Variants in ADH1B observed in about 807,000 individuals in gnomAD.
ADH1B encodes alcohol dehydrogenase 1B (class I), beta polypeptide, also known as all-trans-retinol dehydrogenase [NAD(+)] ADH1B.
A neutral mutation model predicts 34.6 loss-of-function variants in ADH1B; 29 were observed. The observed-to-expected ratio is 0.84, with a 90% CI of 0.62 to 1.14. The LOEUF is 1.14. ADH1B is among the 50% of genes most tolerant of loss of function. The pLI is 0.00. For synonymous variants in ADH1B, 170 were observed against 175.5 expected, an observed-to-expected ratio of 0.97 and a Z score of 0.25; for missense variants, 424 against 468.4, an observed-to-expected ratio of 0.91 and a Z score of 0.87.
intron 1 of ADH1B, chr4:99,319,166 T>C (rs1733960371): frequency 6.4e-6 from 3 of 468,922 alleles, no homozygotes; most frequent in South Asian, 2.1e-5. Flanking sequence ...AAGGTGTTTA[T>C]TCCTGGTATT....
Position 99,318,044 on chromosome 4 carries a change from A to G in ADH1B, c.259+2T>C. 1 of 1,613,882 alleles carries G rather than the reference A, an allele frequency of 6.2e-7. No homozygotes were observed. The highest frequency in any genetic ancestry group is 8.5e-7 in the Non-Finnish European group (1 of 1,179,928). On this transcript the variant is annotated splice_donor_variant, in intron 3 of 8. Transcript: ENST00000305046. LOFTEE classifies it high-confidence loss of function. The stretch of plus-strand genomic sequence containing the variant: ...CGTGTTCCCTGAGTGTGAATCCTGT[A>G]CCTGGTTTGACTGTAGTCACCCCTT...
At chr4:99,315,241 A>G (rs1733851018) in intron 5 of ADH1B, 1 of 153,302 alleles carries the variant, frequency 6.5e-6, no homozygotes, top group Admixed American at 6.5e-5. Flanking sequence ...AAAGCATACT[A>G]CTAGATTTTC....
rs1383879642 is a variant in ADH1B at position 99,305,561 on chromosome 4, G to GTGTA, written c.*2278_*2279insTACA. On this transcript the variant is annotated 3_prime_UTR_variant, in exon 9 of 9. Coordinates refer to ENST00000305046, the MANE Select transcript of ADH1B (RefSeq NM_000668.6). ...CTATATGAACCACTTGCCCCATAGT[G>GTGTA]TATATATATATATATATATATATAT... The GTGTA allele has an allele frequency of 1.2e-4, 6 of 49,404 alleles. No individual in the cohort carries two copies. Among genetic ancestry groups the GTGTA allele is most frequent in the Admixed American group, 3.9e-4 (2 of 5,100 alleles). The allele number at this position is 49,404 out of a possible 1,614,324, so 3.1% of individuals were successfully genotyped here. A position where few individuals can be genotyped will look rare whatever the true frequency, so the allele number is the denominator to read the frequency against.
In ADH1B at chr4:99,313,806, T is replaced by C. The variant is rs1199027120; in HGVS notation, c.828+15A>G. On this transcript the variant is annotated intron_variant, in intron 6 of 8. Transcript: ENST00000305046. The stretch of plus-strand genomic sequence containing the variant: ...TTGCAGAGGCAGAAATCTCAGGGCA[T>C]GTCATGGTACATACCATGGTGTCAA... The C allele has an allele frequency of 1.9e-6, 3 of 1,614,014 alleles. No individual in the cohort carries two copies. Among genetic ancestry groups the C allele is most frequent in the Non-Finnish European group, 2.5e-6 (3 of 1,179,886 alleles).
chr4:99,313,685 C>A, intron 6 of ADH1B, 136 bp downstream of exon 6: 1 of 1,494,618 alleles, frequency 6.7e-7, no homozygotes, highest in Non-Finnish European at 9.1e-7. Flanking sequence ...TTAAACAAGC[C>A]ACATAACAAA....
chr4:99,308,362 C>G (rs1255375926), intron 8 of ADH1B, among the ~76,000 whole-genome samples: 3 of 148,738 alleles, frequency 2.0e-5, no homozygotes, highest in African/African-American at 5.0e-5. Flanking sequence ...GGTAGCACAT[C>G]TAGTATGGAG....
At chr4:99,319,226 A>T in intron 1 of ADH1B, 1 of 370,492 alleles carries the variant, frequency 2.7e-6, no homozygotes, top group South Asian at 2.4e-5. Context: ...ATTAGCTGAT[A>T]TATGAAGTTA....
At position 99,306,663 on chromosome 4, in the gene ADH1B, C is replaced by T. The variant is rs1051388686; in HGVS notation, c.*1177G>A. On this transcript the variant is annotated 3_prime_UTR_variant, in exon 9 of 9. Coordinates refer to ENST00000305046, the MANE Select transcript of ADH1B (RefSeq NM_000668.6). ...AAAGCTCAAAATGCAAATCCTTCCCCTGAGAGTGGGAAAGCATTAACAAAT... is the reference window on the plus strand; with the variant it reads ...AAAGCTCAAAATGCAAATCCTTCCCTTGAGAGTGGGAAAGCATTAACAAAT... 8.0e-6 allele frequency: 1 copy of T among 124,560 alleles called. No individual in the cohort carries two copies. The highest frequency in any genetic ancestry group is 1.7e-5 in the Non-Finnish European group (1 of 57,364). The allele number at this position is 124,560 out of a possible 1,614,324, so 7.7% of individuals were successfully genotyped here. A position where few individuals can be genotyped will look rare whatever the true frequency, so the allele number is the denominator to read the frequency against.
At chr4:99,319,773 T>A (rs1446995003) in intron 1 of ADH1B, 3 of 152,202 alleles carry the variant, frequency 2.0e-5, no homozygotes, top group Non-Finnish European at 4.4e-5. Context: ...CGCAGAGCCC[T>A]TTCTAGAAAG....
At chr4:99,311,486 T>C (rs769917322) in intron 7 of ADH1B, 35 bp downstream of exon 7, 1 of 1,606,952 alleles carries the variant, frequency 6.2e-7, no homozygotes, top group Non-Finnish European at 8.5e-7. Context: ...ATATTGAGAT[T>C]AATGAGAATT....
At chr4:99,312,082 A>G (rs998819594) in intron 6 of ADH1B, among the ~76,000 whole-genome samples, 2 of 152,328 alleles carry the variant, frequency 1.3e-5, no homozygotes, top group African/African-American at 2.4e-5. Flanking sequence ...CCCCAAATAT[A>G]TATTGATTTT....
At chr4:99,308,105 CAATTCTACATT>C (rs1733658024) in intron 8 of ADH1B, among the ~76,000 whole-genome samples, 1 of 152,036 alleles carries the variant, frequency 6.6e-6, no homozygotes, top group Non-Finnish European at 1.5e-5. Context: ...CCTGTCATTT[CAATTCTACATT>C]AATTCTACAT....
In ADH1B at chr4:99,315,932, G is replaced by A. The variant is rs536610750; in HGVS notation, c.533C>T (p.Ser178Leu). 120 of 1,614,032 alleles carry A rather than the reference G, an allele frequency of 7.4e-5. 1 individual carries two copies. The highest frequency in any genetic ancestry group is 3.3e-4 in the Middle Eastern group (2 of 6,084). ...GTTAACTGCAGACCCATAACCAGTC[G>A]AGAATCCACAGCCAATGAGGCAGAC... ...EKVCLIGCGF[S>L]TGYGSAVNVA... The change falls in exon 5 of 9, where the codon TCG (serine) becomes TTG (leucine). Residue 178 changes from serine to leucine, a missense_variant. This residue lies in a region of ADH1B where 291 missense variants were observed against 300.4 expected (regional missense o/e 0.97). Transcript: ENST00000305046.
At chr4:99,310,585 A>G (rs1323792345) in intron 8 of ADH1B, among the ~76,000 whole-genome samples, 180 bp downstream of exon 8, 1 of 152,202 alleles carries the variant, frequency 6.6e-6, no homozygotes, top group African/African-American at 2.4e-5. Context: ...TAGGAAATGC[A>G]AAGCAACTGT....
In ADH1B at chr4:99,313,927, C is replaced by G. The variant is rs1246537657; in HGVS notation, c.722G>C (p.Cys241Ser). 6.2e-7 allele frequency: 1 copy of G among 1,614,086 alleles called. No individual in the cohort carries two copies. Among genetic ancestry groups the G allele is most frequent in the East Asian group, 2.2e-5 (1 of 44,868 alleles). ...AKAKELGATECINPQDYKKPI... is the reference protein window; with the variant it reads ...AKAKELGATESINPQDYKKPI... The stretch of plus-strand genomic sequence containing the variant: ...TTTCTTGTAGTCTTGAGGGTTGATG[C>G]ATTCAGTGGCACCCAACTCTTTGGC... The change falls in exon 6 of 9, where the codon TGC (cysteine) becomes TCC (serine). Residue 241 changes from cysteine (C) to serine (S), a missense_variant. Cys to Ser is a moderately radical substitution (Grantham distance 112). Transcript: ENST00000305046.
At chr4:99,314,267 G>T in intron 5 of ADH1B, 186 bp from the exon 6 acceptor site, 1 of 1,005,428 alleles carries the variant, frequency 9.9e-7, no homozygotes, top group Non-Finnish European at 1.4e-6. Context: ...CTAGTTGAGT[G>T]GTTTTCAAAC....
chr4:99,318,115 C>T lies in ADH1B; in HGVS notation c.190G>A (p.Val64Met), dbSNP rs781000874. Residue 64 changes from valine (V) to methionine (M), a missense_variant, in exon 3 of 9, where the codon GTG becomes ATG. Val to Met is a conservative substitution (Grantham distance 21). This residue lies in a region of ADH1B where 291 missense variants were observed against 300.4 expected (regional missense o/e 0.97). Coordinates refer to ENST00000305046, the MANE Select transcript of ADH1B (RefSeq NM_000668.6). ...CCGGCTGCCTCATGGCCTAAAATCA[C>T]AGGAAGGGGGGTCACCAGGTTGCCA... Reference protein sequence around the residue: ...VSGNLVTPLPVILGHEAAGIV... With the variant: ...VSGNLVTPLPMILGHEAAGIV... 2 of 1,614,106 alleles carry T rather than the reference C, an allele frequency of 1.2e-6. No homozygotes were observed. The highest frequency in any genetic ancestry group is 1.3e-5 in the African/African-American group (1 of 75,030).
chr4:99,311,426 T>A, intron 7 of ADH1B, 95 bp downstream of exon 7: 2 of 1,393,076 alleles, frequency 1.4e-6, no homozygotes, highest in Non-Finnish European at 1.9e-6. Flanking sequence ...TCTTGCCTTG[T>A]CAATTGTAAA....
In ADH1B at chr4:99,318,782, C is replaced by T; in HGVS notation, c.120+3G>A. On this transcript the variant is annotated splice_donor_region_variant and intron_variant, in intron 2 of 8. Coordinates refer to ENST00000305046, the MANE Select transcript of ADH1B (RefSeq NM_000668.6). ...ATGAAATATAAATGGAAAAATATTT[C>T]ACCTTAATGCGAACTTCATAAGCCT... 1 of 1,599,076 alleles carries T rather than the reference C, an allele frequency of 6.3e-7. No individual in the cohort carries two copies. The highest frequency in any genetic ancestry group is 8.5e-7 in the Non-Finnish European group (1 of 1,174,628).
Sources: allele counts gnomAD v4.1 joint callset (sites outside exome capture counted in the v4.1 genomes callset), GRCh38; gene constraint gnomAD v4.1.1; regional missense constraint gnomAD v4.1.1; transcripts MANE v1.5; gene names NCBI Gene and HGNC (gene_info 2026-07-23, HGNC 2026-07-21).